Variants in XKR6 observed in about 807,000 individuals in gnomAD.
XKR6 encodes XK-related protein 6.
In XKR6, 22 loss-of-function variants were observed where a neutral mutation model predicts 56.7. The observed-to-expected ratio is 0.39, with a 90% CI of 0.28 to 0.55. The LOEUF is 0.55. Among genes scored for constraint, XKR6 ranks in the 20% least tolerant of loss-of-function variants. The pLI is 0.66. For missense variants in XKR6, 852 were observed against 889.0 expected (o/e 0.96, Z 0.53); for synonymous variants, 524 against 387.8 (o/e 1.35, Z -4.13).
intron 1 of XKR6, among the ~76,000 whole-genome samples, chr8:11,019,357 C>A (rs573014044): frequency 6.6e-6 from 1 of 152,250 alleles, no homozygotes; most frequent in Non-Finnish European, 1.5e-5. Context: ...CCTCCATCCC[C>A]TGGTAAAGAC....
intron 1 of XKR6, among the ~76,000 whole-genome samples, chr8:11,159,583 G>A (rs1443770161): frequency 6.6e-6 from 1 of 152,204 alleles, no homozygotes; most frequent in Non-Finnish European, 1.5e-5. Context: ...AGGAACTTGT[G>A]AAAAACACAA....
intron 2 of XKR6, among the ~76,000 whole-genome samples, chr8:10,905,476 C>T (rs748939387): frequency 7.9e-5 from 12 of 152,194 alleles, no homozygotes; most frequent in Admixed American, 6.5e-4. Flanking sequence ...GAGACCGAAA[C>T]AGCAGTGAAG....
intron 1 of XKR6, chr8:11,105,197 C>T (rs908659749): frequency 3.9e-5 from 6 of 152,140 alleles, no homozygotes; most frequent in African/African-American, 1.4e-4. Flanking sequence ...AATAGCAGCT[C>T]TCATCCTTCT....
chr8:11,139,923 TA>T (rs1034973510), intron 1 of XKR6, among the ~76,000 whole-genome samples: 3 of 151,922 alleles, frequency 2.0e-5, no homozygotes, highest in Non-Finnish European at 4.4e-5. Flanking sequence ...CAAACTGAGC[TA>T]AAGTATGTGA....
chr8:11,086,554 T>TTC (rs1797899166), intron 1 of XKR6, among the ~76,000 whole-genome samples: 1 of 152,178 alleles, frequency 6.6e-6, no homozygotes, highest in South Asian at 2.1e-4. Flanking sequence ...AAGGCAACCC[T>TTC]AGACTGACAA....
chr8:11,102,725 G>C (rs573750629), intron 1 of XKR6, among the ~76,000 whole-genome samples: 3 of 152,146 alleles, frequency 2.0e-5, no homozygotes, highest in Non-Finnish European at 4.4e-5. Flanking sequence ...AAGATGAGGA[G>C]GGACAGAGCT....
intron 1 of XKR6, among the ~76,000 whole-genome samples, chr8:11,158,946 C>T (rs1011328092): frequency 5.3e-5 from 8 of 152,166 alleles, no homozygotes; most frequent in Non-Finnish European, 1.2e-4. Context: ...ACTGAGGACC[C>T]GCTTGCCGGC....
rs142406866 is a variant in XKR6, at chr8:11,043,953, C to T, written c.765-119123G>A. Among the ~76,000 whole-genome samples the T allele has an allele frequency of 2.5e-3, 388 of 152,348 alleles. 1 individual carries two copies. The highest frequency in any genetic ancestry group is 8.9e-3 in the African/African-American group (369 of 41,584). On this transcript the variant is annotated intron_variant, in intron 1 of 2. Transcript: ENST00000416569. ...CTACACTTAAAGAATCAACTAAGCTCTAACTGTCACAGGGTTCTTCTTTTT... is the reference window on the plus strand; with the variant it reads ...CTACACTTAAAGAATCAACTAAGCTTTAACTGTCACAGGGTTCTTCTTTTT...
At chr8:11,036,587 G>T (rs1799150363) in intron 1 of XKR6, among the ~76,000 whole-genome samples, 1 of 152,212 alleles carries the variant, frequency 6.6e-6, no homozygotes, top group Admixed American at 6.5e-5. Flanking sequence ...TGGCTGCACA[G>T]TAAATTTTGA....
chr8:11,135,350 T>C (rs1800334390), intron 1 of XKR6, among the ~76,000 whole-genome samples: 1 of 152,150 alleles, frequency 6.6e-6, no homozygotes, highest in Non-Finnish European at 1.5e-5. Context: ...AATTTTTTAA[T>C]TGACAAAAAT....
intron 1 of XKR6, among the ~76,000 whole-genome samples, chr8:11,027,238 T>C (rs1179692318): frequency 6.6e-6 from 1 of 152,204 alleles, no homozygotes; most frequent in Non-Finnish European, 1.5e-5. Flanking sequence ...AATATGGTAT[T>C]ATCATCTTAT....
intron 1 of XKR6, among the ~76,000 whole-genome samples, chr8:11,067,734 T>A (rs1269815722): frequency 6.6e-6 from 1 of 152,232 alleles, no homozygotes; most frequent in African/African-American, 2.4e-5. Flanking sequence ...AAGCTGGATG[T>A]GGCCACATGG....
chr8:11,192,805 G>C (rs73665024), intron 1 of XKR6, among the ~76,000 whole-genome samples: 1 of 152,074 alleles, frequency 6.6e-6, no homozygotes, highest in Non-Finnish European at 1.5e-5. Context: ...TGGCCCCGTG[G>C]GCTCTCCTAA....
chr8:11,070,359 AG>A (rs1800084857), intron 1 of XKR6, among the ~76,000 whole-genome samples: 2 of 152,226 alleles, frequency 1.3e-5, no homozygotes, highest in Admixed American at 1.3e-4. Flanking sequence ...ATATTTCCTC[AG>A]TGACTCTAAA....
At chr8:10,900,113 G>A (rs575548017) in intron 2 of XKR6, among the ~76,000 whole-genome samples, 2 of 152,108 alleles carry the variant, frequency 1.3e-5, no homozygotes, top group South Asian at 2.1e-4. Flanking sequence ...ACAGGAGGCC[G>A]AATGCTGTCC....
chr8:11,053,660 C>G (rs900616752), intron 1 of XKR6, among the ~76,000 whole-genome samples: 1 of 152,220 alleles, frequency 6.6e-6, no homozygotes, highest in South Asian at 2.1e-4. Context: ...CTCTCTGGAA[C>G]CAGCTTTCAT....
At chr8:11,102,521 G>C (rs1258872590) in intron 1 of XKR6, among the ~76,000 whole-genome samples, 1 of 152,188 alleles carries the variant, frequency 6.6e-6, no homozygotes, top group Non-Finnish European at 1.5e-5. Context: ...CAGACAGGAA[G>C]CAAGAATGGA....
At chr8:10,914,349 A>C (rs2129112547) in intron 2 of XKR6, among the ~76,000 whole-genome samples, 1 of 152,300 alleles carries the variant, frequency 6.6e-6, no homozygotes, top group Non-Finnish European at 1.5e-5. Flanking sequence ...TGAGAGGGAC[A>C]TAAACAAGAA....
chr8:11,153,357 G>A (rs931471915), intron 1 of XKR6, among the ~76,000 whole-genome samples: 2 of 152,284 alleles, frequency 1.3e-5, no homozygotes, highest in Admixed American at 6.5e-5. Context: ...TACAGAACAA[G>A]CATTTCTGAA....
Sources: allele counts gnomAD v4.1 joint callset (sites outside exome capture counted in the v4.1 genomes callset), GRCh38; gene constraint gnomAD v4.1.1; transcripts MANE v1.5; gene names NCBI Gene and HGNC (gene_info 2026-07-23, HGNC 2026-07-21).